The following PCDH15 variants were observed in gnomAD, a reference collection of about 807,000 sequenced individuals.
PCDH15 encodes the protein protocadherin related 15.
In PCDH15, 129 loss-of-function variants were observed where a neutral mutation model predicts 178.5. The ratio of observed to expected loss-of-function variants is 0.72; its 90% CI spans 0.63 to 0.84. PCDH15 has a LOEUF of 0.84. Among genes scored for constraint, PCDH15 ranks in the 40% least tolerant of loss-of-function variants. PCDH15 has a pLI of 0.00. For missense variants in PCDH15, 2,230 were observed against 2,099.9 expected (o/e 1.06, Z -1.21); for synonymous variants, 800 against 732.0 (o/e 1.09, Z -1.50).
intron 2 of PCDH15, among the ~76,000 whole-genome samples, chr10:54,535,709 CAAAAAAAAA>C (rs71010382): frequency 2.1e-4 from 9 of 42,618 alleles, no homozygotes; most frequent in Non-Finnish European, 3.2e-4. Context: ...GACTCCACCT[CAAAAAAAAA>C]AAAAAAAAAA....
At chr10:55,571,145 AGTTG>A in intron 2 of PCDH15, among the ~76,000 whole-genome samples, 1 of 151,900 alleles carries the variant, frequency 6.6e-6, no homozygotes, top group Admixed American at 6.6e-5. Flanking sequence ...TTCATGTGAG[AGTTG>A]GTTTTTAAAG....
At chr10:55,524,774 C>A (rs1314470548) in intron 2 of PCDH15, among the ~76,000 whole-genome samples, 1 of 151,102 alleles carries the variant, frequency 6.6e-6, no homozygotes, top group Non-Finnish European at 1.5e-5. Context: ...ATGACTGGCA[C>A]ACAGTGGACA....
intron 28 of PCDH15, among the ~76,000 whole-genome samples, chr10:53,856,008 A>G (rs1183232803): frequency 6.7e-6 from 1 of 150,190 alleles, no homozygotes; most frequent in Non-Finnish European, 1.5e-5. Flanking sequence ...CCATTACTCT[A>G]AGTGAAGTAA....
intron 3 of PCDH15, among the ~76,000 whole-genome samples, chr10:54,837,610 G>A (rs74138803): frequency 2.0e-5 from 3 of 151,930 alleles, no homozygotes; most frequent in African/African-American, 7.3e-5. Flanking sequence ...TCCTTTGAAC[G>A]AGTCAATCTA....
intron 3 of PCDH15, among the ~76,000 whole-genome samples, chr10:54,837,296 A>T (rs775151825): frequency 5.9e-4 from 89 of 152,116 alleles, no homozygotes; most frequent in Admixed American, 7.2e-4. Flanking sequence ...AACAAAAGAA[A>T]ATAAAAACAA....
chr10:53,963,334 A>T (rs1018898723), intron 21 of PCDH15, among the ~76,000 whole-genome samples: 2 of 152,052 alleles, frequency 1.3e-5, no homozygotes, highest in African/African-American at 4.8e-5. Context: ...TTCTTTATTT[A>T]ACCTTTTTCC....
intron 18 of PCDH15, among the ~76,000 whole-genome samples, chr10:54,035,950 G>C (rs1225913244): frequency 1.3e-5 from 2 of 151,882 alleles, no homozygotes; most frequent in African/African-American, 4.8e-5. Flanking sequence ...AGTTTGAGTG[G>C]TCTGGATAGA....
intron 1 of PCDH15, among the ~76,000 whole-genome samples, chr10:54,750,075 C>T (rs996486523): frequency 7.9e-5 from 12 of 152,044 alleles, no homozygotes; most frequent in African/African-American, 2.7e-4. Flanking sequence ...TACCTAGGTA[C>T]ATGAAGCGCC....
At chr10:54,616,426 C>T (rs2093157507) in intron 2 of PCDH15, among the ~76,000 whole-genome samples, 1 of 152,010 alleles carries the variant, frequency 6.6e-6, no homozygotes, top group Admixed American at 6.6e-5. Context: ...AATTTTTCAT[C>T]TGTTTGGGGT....
At chr10:54,702,308 T>G (rs943867519) in intron 1 of PCDH15, among the ~76,000 whole-genome samples, 6 of 151,424 alleles carry the variant, frequency 4.0e-5, no homozygotes, top group African/African-American at 1.5e-4. Flanking sequence ...TAAAGCAGTG[T>G]TAAACAAAAA....
intron 2 of PCDH15, chr10:54,607,121 A>T (rs912174938): frequency 6.6e-6 from 1 of 152,130 alleles, no homozygotes; most frequent in Non-Finnish European, 1.5e-5. Flanking sequence ...CTTAATATTT[A>T]TTGCAATTTT....
intron 2 of PCDH15, among the ~76,000 whole-genome samples, chr10:55,353,579 T>C (rs557206043): frequency 1.1e-4 from 16 of 152,236 alleles, no homozygotes; most frequent in African/African-American, 3.1e-4. Context: ...AGTATCTCTT[T>C]GTCAACTTTA....
At chr10:54,420,258 C>A (rs1434837756) in intron 3 of PCDH15, among the ~76,000 whole-genome samples, 1 of 152,056 alleles carries the variant, frequency 6.6e-6, no homozygotes, top group East Asian at 1.9e-4. Flanking sequence ...TCCTTCCTAA[C>A]TTCCCCTGCA....
chr10:54,696,170 G>C (rs76946228), intron 1 of PCDH15, among the ~76,000 whole-genome samples: 12,082 of 151,966 alleles, frequency 0.08, 540 homozygotes, highest in South Asian at 0.15. Flanking sequence ...TATAGGAGGA[G>C]ATCAAATAAC....
chr10:55,510,186 A>G (rs1840848418), intron 2 of PCDH15, among the ~76,000 whole-genome samples: 1 of 152,008 alleles, frequency 6.6e-6, no homozygotes, highest in African/African-American at 2.4e-5. Flanking sequence ...AAGTTATCAC[A>G]ATGTTGATAG....
intron 2 of PCDH15, among the ~76,000 whole-genome samples, chr10:54,919,564 C>T (rs12265912): frequency 3.3e-5 from 5 of 152,114 alleles, no homozygotes; most frequent in African/African-American, 1.2e-4. Flanking sequence ...TCCTTTGCTT[C>T]GGATACATTA....
At chr10:53,949,599 A>G (rs983954618) in intron 23 of PCDH15, among the ~76,000 whole-genome samples, 2 of 152,178 alleles carry the variant, frequency 1.3e-5, no homozygotes, top group African/African-American at 4.8e-5. Flanking sequence ...TTAGCTGGGC[A>G]TGGTGGCATG....
At chr10:55,188,277 C>T (rs1372572787) in intron 1 of PCDH15, among the ~76,000 whole-genome samples, 1 of 151,636 alleles carries the variant, frequency 6.6e-6, no homozygotes, top group Non-Finnish European at 1.5e-5. Flanking sequence ...ATAATTTTCT[C>T]ACGCTTTCTA....
At chr10:55,075,888 T>A (rs1186492231) in intron 2 of PCDH15, among the ~76,000 whole-genome samples, 2 of 152,154 alleles carry the variant, frequency 1.3e-5, no homozygotes, top group African/African-American at 4.8e-5. Context: ...AAACTATCCC[T>A]TATAGTACTG....
Sources: allele counts gnomAD v4.1 joint callset (sites outside exome capture counted in the v4.1 genomes callset), GRCh38; gene constraint gnomAD v4.1.1; transcripts MANE v1.5; gene names NCBI Gene and HGNC (gene_info 2026-07-23, HGNC 2026-07-21).